Variants in RRM2 observed in about 807,000 individuals in gnomAD.
RRM2 encodes the protein ribonucleoside-diphosphate reductase subunit M2.
A neutral mutation model predicts 45.9 loss-of-function variants in RRM2; 6 were observed. That is an observed-to-expected ratio of 0.13 (90% CI 0.07 to 0.26). RRM2 has a LOEUF of 0.26. RRM2 is among the 10% of genes least tolerant of loss of function. The pLI, the probability that RRM2 is intolerant of heterozygous loss-of-function variation, is 1.00. For synonymous variants in RRM2, 177 were observed against 173.0 expected, an observed-to-expected ratio of 1.02 and a Z score of -0.18; for missense variants, 343 against 489.5, an observed-to-expected ratio of 0.70 and a Z score of 2.82.
chr2:10,165,946 G>A (rs560490576), intron 3 of RRM2, among the ~76,000 whole-genome samples: 1 of 152,286 alleles, frequency 6.6e-6, no homozygotes, highest in East Asian at 1.9e-4. Context: ...TGGACTGGGT[G>A]CCTAGAAGCT....
At chr2:10,142,494 A>G in intron 3 of RRM2, 1 of 1,074,034 alleles carries the variant, frequency 9.3e-7, no homozygotes, top group Admixed American at 2.2e-5. Flanking sequence ...CACCCCTGCC[A>G]GGTCGGAAAT....
At chr2:10,183,126 GCA>G (rs1664095291) in intron 3 of RRM2, among the ~76,000 whole-genome samples, 1 of 152,142 alleles carries the variant, frequency 6.6e-6, no homozygotes, top group Non-Finnish European at 1.5e-5. Flanking sequence ...AACTATGATG[GCA>G]CCACTGCACT....
Position 10,163,750 on chromosome 2 carries a change from T to C in RRM2, n.482+21375T>C, listed in dbSNP as rs141759486. Among the ~76,000 whole-genome samples the C allele has an allele frequency of 9.6e-3, 1,469 of 152,340 alleles. 30 individuals carry two copies. Among genetic ancestry groups the C allele is most frequent in the African/African-American group, 0.034 (1,408 of 41,580 alleles). On this transcript the variant is annotated intron_variant and non_coding_transcript_variant, in intron 3 of 3. Coordinates refer to the RRM2 transcript ENST00000381786. Reference sequence around the variant, plus strand: ...CTAGTGGCTGTTCTCTCCCCTCTCCTGGTTTTCTGCCTGGACAACAGGAAA... The same window carrying C: ...CTAGTGGCTGTTCTCTCCCCTCTCCCGGTTTTCTGCCTGGACAACAGGAAA...
intron 3 of RRM2, among the ~76,000 whole-genome samples, chr2:10,209,794 A>T (rs1348222890): frequency 6.6e-6 from 1 of 152,198 alleles, no homozygotes; most frequent in Non-Finnish European, 1.5e-5. Context: ...GGCTCAGTGA[A>T]TCGGTGCTTT....
rs186964728 is a variant in RRM2 at position 10,154,193 on chromosome 2, G to C, written n.482+11818G>C. On this transcript the variant is annotated intron_variant and non_coding_transcript_variant, in intron 3 of 3. Coordinates refer to the RRM2 transcript ENST00000381786. ...ATTAAAATTAAATATTGCCAGGCAG[G>C]CTGGGCGTGGTGGCTCACGCCTGTA... 4.2e-3 allele frequency among the ~76,000 whole-genome samples: 633 copies of C among 152,304 alleles called. 5 individuals carry two copies. The highest frequency in any genetic ancestry group is 0.014 in the African/African-American group (597 of 41,556).
intron 3 of RRM2, among the ~76,000 whole-genome samples, chr2:10,200,241 C>G (rs972471069): frequency 6.6e-6 from 1 of 152,124 alleles, no homozygotes; most frequent in Admixed American, 6.5e-5. Context: ...GAGATAAGAC[C>G]TTTTTAAAGC....
At position 10,143,319 on chromosome 2, in the gene RRM2, C is replaced by T. The variant is rs771993303; in HGVS notation, n.482+944C>T. Among the ~76,000 whole-genome samples, 19 of 152,212 alleles carry T rather than the reference C, an allele frequency of 1.2e-4. 1 individual carries two copies. The highest frequency in any genetic ancestry group is 5.9e-4 in the Admixed American group (9 of 15,284). On this transcript the variant is annotated intron_variant and non_coding_transcript_variant, in intron 3 of 3. Coordinates refer to the RRM2 transcript ENST00000381786. ...CACTTTCCCTGGGAACCTCCTCAGA[C>T]CCAGTGAGGCCAGATTAGGGGCCTC...
chr2:10,140,178 C>T (rs977610124), upstream of RRM2, among the ~76,000 whole-genome samples: 3 of 151,942 alleles, frequency 2.0e-5, no homozygotes, highest in Non-Finnish European at 2.9e-5. Flanking sequence ...ATCCGGGAGG[C>T]GGAGGTTGCA....
At chr2:10,192,702 G>T (rs904336591) in intron 3 of RRM2, 1 of 153,946 alleles carries the variant, frequency 6.5e-6, no homozygotes, top group Admixed American at 6.5e-5. Flanking sequence ...AAGTATTAGG[G>T]GGCCTGTCTG....
chr2:10,188,043 G>A (rs1012834639), intron 3 of RRM2, among the ~76,000 whole-genome samples: 12 of 152,220 alleles, frequency 7.9e-5, no homozygotes, highest in Non-Finnish European at 1.0e-4. Flanking sequence ...AGGGGGTTCC[G>A]ATGCCCCTCG....
At chr2:10,147,390 C>T (rs1169790879) in intron 3 of RRM2, among the ~76,000 whole-genome samples, 1 of 152,072 alleles carries the variant, frequency 6.6e-6, no homozygotes, top group African/African-American at 2.4e-5. Context: ...TCAAGTGATC[C>T]TCCCACCTCA....
intron 3 of RRM2, among the ~76,000 whole-genome samples, chr2:10,202,030 T>G (rs1322748526): frequency 1.3e-5 from 2 of 152,230 alleles, no homozygotes; most frequent in African/African-American, 2.4e-5. Flanking sequence ...CCCTTTACAA[T>G]TTTTGTTAAA....
At chr2:10,139,658 A>G (rs559748193), upstream of RRM2, among the ~76,000 whole-genome samples, 34 of 152,260 alleles carry the variant, frequency 2.2e-4, no homozygotes, top group African/African-American at 7.7e-4. Flanking sequence ...AGCCATCTCT[A>G]TGGTCCCAGC....
rs1421742837 is a variant in RRM2 at position 10,200,456 on chromosome 2, G to C, written n.483-9855G>C. On this transcript the variant is annotated intron_variant and non_coding_transcript_variant, in intron 3 of 3. Transcript: ENST00000381786. ...GCGCGCGCAAAATATGAGGCCCACA[G>C]GGACCGCGCGCGCAAAATATGAGGC... is the stretch of plus-strand genomic sequence containing the variant. Among the ~76,000 whole-genome samples, 8 of 122,700 alleles carry C rather than the reference G, an allele frequency of 6.5e-5. 1 individual carries two copies. Among genetic ancestry groups the C allele is most frequent in the Non-Finnish European group, 1.4e-4 (8 of 57,778 alleles). 80.5% of individuals were successfully genotyped at this position (122,700 alleles called of 152,430 possible).
At chr2:10,132,560 A>T (rs1662921728), downstream of RRM2, among the ~76,000 whole-genome samples, 1 of 152,154 alleles carries the variant, frequency 6.6e-6, no homozygotes, top group Non-Finnish European at 1.5e-5. Context: ...CTGTCTTTAT[A>T]TTTATAAGCA....
At position 10,123,733 on chromosome 2, in the gene RRM2, C is replaced by A. The variant is rs1035175832; in HGVS notation, c.319-3C>A. On this transcript the variant is annotated splice_region_variant and splice_polypyrimidine_tract_variant and intron_variant, in intron 3 of 9. Transcript: ENST00000304567. ...TGCTAAAATTGTGACTTCCGAACCT[C>A]AGGTGGACCTCTCCAAGGACATTCA... The A allele has an allele frequency of 7.0e-6, 11 of 1,570,702 alleles. No homozygotes were observed. The highest frequency in any genetic ancestry group is 1.1e-5 in the South Asian group (1 of 89,972).
intron 2 of RRM2, 62 bp from the exon 3 acceptor site, chr2:10,123,325 G>C (rs1288648618): frequency 6.5e-7 from 1 of 1,533,054 alleles, no homozygotes; most frequent in Non-Finnish European, 8.7e-7. Context: ...ACTTGGTCCA[G>C]AAAAACGTTA....
At chr2:10,143,455 G>T (rs1002406402) in intron 3 of RRM2, among the ~76,000 whole-genome samples, 5 of 152,250 alleles carry the variant, frequency 3.3e-5, no homozygotes, top group African/African-American at 1.2e-4. Context: ...TGCCCTGAGG[G>T]CAGGGATGGG....
rs574618666 is a variant in RRM2 at position 10,165,137 on chromosome 2, G to A, written n.482+22762G>A. 3.9e-5 allele frequency among the ~76,000 whole-genome samples: 6 copies of A among 152,260 alleles called. No homozygotes were observed. In the South Asian group the frequency reaches 1.2e-3, roughly 32 times the overall value. On this transcript the variant is annotated intron_variant and non_coding_transcript_variant, in intron 3 of 3. Coordinates refer to the RRM2 transcript ENST00000381786. Reference sequence around the variant, plus strand: ...TAGCTGATTTTTTATATTTTGTAGAGACGTGGTTTCACCATGTTGCCCAGG... The same window carrying A: ...TAGCTGATTTTTTATATTTTGTAGAAACGTGGTTTCACCATGTTGCCCAGG...
Sources: gnomAD v4.1 joint callset for allele counts (sites outside exome capture counted in the v4.1 genomes callset) on GRCh38, gnomAD v4.1.1 for gene constraint, MANE v1.5 for transcripts, NCBI Gene and HGNC (gene_info 2026-07-23, HGNC 2026-07-21) for gene names.